EPHB1: variants seen among roughly 807,000 people sequenced by gnomAD.
EPHB1 encodes the protein ephrin type-B receptor 1.
Under a neutral mutation model 94.4 loss-of-function variants are expected in EPHB1, and 30 were observed. That is an observed-to-expected ratio of 0.32 (90% CI 0.24 to 0.43). The LOEUF (loss-of-function observed/expected upper bound fraction) is 0.43, where lower values mean the gene tolerates loss of function less well. Ranked by LOEUF, EPHB1 falls within the 20% of genes least tolerant of loss-of-function variation. The pLI, the probability that EPHB1 is intolerant of heterozygous loss-of-function variation, is 1.00. For missense variants in EPHB1, 1,055 were observed against 1,308.3 expected (o/e 0.81, Z 2.99); for synonymous variants, 522 against 489.1 (o/e 1.07, Z -0.89).
intron 3 of EPHB1, among the ~76,000 whole-genome samples, chr3:135,013,081 A>G (rs964700333): frequency 9.2e-5 from 14 of 152,126 alleles, no homozygotes; most frequent in Non-Finnish European, 1.5e-4. Context: ...AACCTCCAAA[A>G]TCATCCCCAC....
intron 10 of EPHB1, among the ~76,000 whole-genome samples, chr3:135,181,621 C>T (rs530262930): frequency 1.2e-4 from 19 of 152,230 alleles, no homozygotes; most frequent in Admixed American, 7.9e-4. Flanking sequence ...ATGTCATGTG[C>T]TTAGAGCGAT....
intron 1 of EPHB1, among the ~76,000 whole-genome samples, chr3:134,890,834 A>G (rs886538915): frequency 3.9e-5 from 6 of 152,140 alleles, no homozygotes; most frequent in Admixed American, 1.3e-4. Context: ...TGTTGCTATT[A>G]TAAGTGGGGT....
At chr3:134,877,649 G>A (rs1055951327) in intron 1 of EPHB1, among the ~76,000 whole-genome samples, 1 of 152,164 alleles carries the variant, frequency 6.6e-6, no homozygotes, top group African/African-American at 2.4e-5. Context: ...TCTTATAAAT[G>A]GTAAGGGTTC....
intron 3 of EPHB1, among the ~76,000 whole-genome samples, chr3:135,039,934 C>T (rs1003553342): frequency 1.2e-4 from 19 of 152,178 alleles, no homozygotes; most frequent in Non-Finnish European, 2.2e-4. Flanking sequence ...GGGGAGGTGC[C>T]GAGAGCAAGC....
At chr3:134,907,265 G>T (rs1419440714) in intron 1 of EPHB1, among the ~76,000 whole-genome samples, 1 of 152,194 alleles carries the variant, frequency 6.6e-6, no homozygotes, top group Non-Finnish European at 1.5e-5. Context: ...TTTATCTTTT[G>T]ACTTCAACTC....
At chr3:134,892,432 G>C (rs1169975981) in intron 1 of EPHB1, among the ~76,000 whole-genome samples, 1 of 152,180 alleles carries the variant, frequency 6.6e-6, no homozygotes, top group Non-Finnish European at 1.5e-5. Flanking sequence ...TTGCAGCAGG[G>C]GTACCAATAA....
At chr3:135,022,844 C>A (rs1048370229) in intron 3 of EPHB1, among the ~76,000 whole-genome samples, 7 of 152,162 alleles carry the variant, frequency 4.6e-5, no homozygotes, top group African/African-American at 1.7e-4. Flanking sequence ...CATTTGGATT[C>A]ATTACTCAAT....
intron 1 of EPHB1, among the ~76,000 whole-genome samples, chr3:134,815,887 C>T (rs1358859553): frequency 6.6e-6 from 1 of 152,114 alleles, no homozygotes; most frequent in Non-Finnish European, 1.5e-5. Flanking sequence ...CAGCCCCTGC[C>T]CCTAGTTTCA....
intron 4 of EPHB1, among the ~76,000 whole-genome samples, chr3:135,113,513 A>G (rs1375811562): frequency 6.6e-6 from 1 of 152,176 alleles, no homozygotes; most frequent in African/African-American, 2.4e-5. Flanking sequence ...TTCTCCCTCC[A>G]GTAACCCCGA....
At chr3:135,125,650 A>G (rs1429928774) in intron 4 of EPHB1, among the ~76,000 whole-genome samples, 4 of 152,124 alleles carry the variant, frequency 2.6e-5, no homozygotes, top group Non-Finnish European at 4.4e-5. Context: ...ATTTATCAAG[A>G]AGAAACAACC....
At chr3:135,075,856 G>GA (rs1401889612) in intron 3 of EPHB1, among the ~76,000 whole-genome samples, 4 of 152,208 alleles carry the variant, frequency 2.6e-5, no homozygotes, top group Non-Finnish European at 5.9e-5. Context: ...GAGAGTCCCA[G>GA]AAAATGTCTT....
At chr3:134,845,011 T>A (rs2036845836) in intron 1 of EPHB1, among the ~76,000 whole-genome samples, 1 of 152,350 alleles carries the variant, frequency 6.6e-6, no homozygotes, top group Admixed American at 6.5e-5. Context: ...ATGCATGACA[T>A]GATGCCTGGC....
At chr3:135,102,083 T>C (rs1939053782) in intron 3 of EPHB1, among the ~76,000 whole-genome samples, 1 of 152,234 alleles carries the variant, frequency 6.6e-6, no homozygotes, top group African/African-American at 2.4e-5. Context: ...CTGACCGTAA[T>C]TCTGTAAAGG....
At chr3:135,222,781 A>G (rs1943302421) in intron 12 of EPHB1, among the ~76,000 whole-genome samples, 1 of 152,228 alleles carries the variant, frequency 6.6e-6, no homozygotes, top group Non-Finnish European at 1.5e-5. Context: ...TCCAAGAGGA[A>G]GCACAAAAAT....
At chr3:135,065,795 G>T (rs114899942) in intron 3 of EPHB1, among the ~76,000 whole-genome samples, 2 of 152,260 alleles carry the variant, frequency 1.3e-5, no homozygotes, top group South Asian at 2.1e-4. Flanking sequence ...TATAGGTTCT[G>T]TGAGATTTAT....
chr3:134,974,807 C>T (rs374408708), intron 3 of EPHB1, among the ~76,000 whole-genome samples: 1 of 152,136 alleles, frequency 6.6e-6, no homozygotes, highest in Non-Finnish European at 1.5e-5. Flanking sequence ...AGTCCGCAGT[C>T]CCATGACTTC....
chr3:134,983,444 G>T (rs538351889), intron 3 of EPHB1, among the ~76,000 whole-genome samples: 4 of 152,326 alleles, frequency 2.6e-5, no homozygotes, highest in African/African-American at 7.2e-5. Context: ...TGGCTCAGTG[G>T]GGCTCAATGC....
In EPHB1 at chr3:134,887,047, C is replaced by T. The variant is rs201904142; in HGVS notation, c.59-38769C>T. Among the ~76,000 whole-genome samples the T allele has an allele frequency of 5.3e-5, 8 of 152,340 alleles. No homozygotes were observed. In the East Asian group the frequency reaches 1.5e-3, roughly 29 times the overall value. On this transcript the variant is annotated intron_variant, in intron 1 of 15. Coordinates refer to ENST00000398015, the MANE Select transcript of EPHB1 (RefSeq NM_004441.5). ...CCATTGCTGGGCAACACATCATCTGCAGAATTAGTGGCTTAAAACAATAAC... is the reference window on the plus strand; with the variant it reads ...CCATTGCTGGGCAACACATCATCTGTAGAATTAGTGGCTTAAAACAATAAC...
At chr3:135,159,509 T>C (rs552728921) in intron 6 of EPHB1, among the ~76,000 whole-genome samples, 1 of 152,374 alleles carries the variant, frequency 6.6e-6, no homozygotes, top group East Asian at 1.9e-4. Context: ...TTATTCTTAT[T>C]TGCAAGGTGA....
Sources: allele counts gnomAD v4.1 joint callset (sites outside exome capture counted in the v4.1 genomes callset), GRCh38; gene constraint gnomAD v4.1.1; transcripts MANE v1.5; gene names NCBI Gene and HGNC (gene_info 2026-07-23, HGNC 2026-07-21).